The following SEZ6L variants were observed in gnomAD, a reference collection of about 807,000 sequenced individuals.
SEZ6L encodes the protein seizure 6-like protein.
In SEZ6L, 37 loss-of-function variants were observed where a neutral mutation model predicts 106.2. The observed-to-expected ratio is 0.35, with a 90% CI of 0.27 to 0.46. The LOEUF is 0.46. SEZ6L is among the 20% of genes least tolerant of loss of function. The pLI is 1.00. For missense variants in SEZ6L, 1,172 were observed against 1,332.8 expected, an observed-to-expected ratio of 0.88 and a Z score of 1.88; for synonymous variants, 541 against 570.4, an observed-to-expected ratio of 0.95 and a Z score of 0.73.
At chr22:26,366,952 A>T (rs2083835800) in intron 13 of SEZ6L, among the ~76,000 whole-genome samples, 1 of 152,068 alleles carries the variant, frequency 6.6e-6, no homozygotes, top group South Asian at 2.1e-4. Flanking sequence ...CCAGCTGTAG[A>T]ATCATTTTTT....
rs1938684614 is a variant in SEZ6L at position 26,172,395 on chromosome 22, A to G, written c.94+2632A>G. On this transcript the variant is annotated intron_variant, in intron 1 of 16. Coordinates refer to ENST00000248933, the MANE Select transcript of SEZ6L (RefSeq NM_021115.5). ...TATGGCTCAGTTAGGTATTAAGAAAATAATGTTACATTCCTTTCCTTCCCC... is the reference window on the plus strand; with the variant it reads ...TATGGCTCAGTTAGGTATTAAGAAAGTAATGTTACATTCCTTTCCTTCCCC... Among the ~76,000 whole-genome samples the G allele has an allele frequency of 2.6e-5, 4 of 152,238 alleles. No individual in the cohort carries two copies. The South Asian group carries it at 8.3e-4, about 32-fold the overall frequency.
chr22:26,337,047 T>A (rs2082667893), intron 9 of SEZ6L, among the ~76,000 whole-genome samples: 1 of 152,076 alleles, frequency 6.6e-6, no homozygotes, highest in Non-Finnish European at 1.5e-5. Flanking sequence ...CAGGTGCTAA[T>A]GCTGAAGCTG....
intron 1 of SEZ6L, among the ~76,000 whole-genome samples, chr22:26,222,822 A>G (rs1315886378): frequency 2.0e-5 from 3 of 152,188 alleles, no homozygotes; most frequent in Non-Finnish European, 2.9e-5. Flanking sequence ...AATTTTATCC[A>G]TCACAGTGGT....
intron 9 of SEZ6L, among the ~76,000 whole-genome samples, chr22:26,330,929 C>G (rs1449642507): frequency 1.3e-5 from 2 of 152,146 alleles, no homozygotes; most frequent in East Asian, 3.9e-4. Context: ...CTAAAATTGT[C>G]CTGTGAATGA....
At chr22:26,323,551 T>C (rs1171629075) in intron 9 of SEZ6L, among the ~76,000 whole-genome samples, 2 of 152,172 alleles carry the variant, frequency 1.3e-5, no homozygotes, top group Non-Finnish European at 2.9e-5. Flanking sequence ...GAGAATCACC[T>C]GAGCTCAGGT....
intron 11 of SEZ6L, among the ~76,000 whole-genome samples, chr22:26,349,969 A>G (rs1472232100): frequency 6.6e-6 from 1 of 152,144 alleles, no homozygotes; most frequent in African/African-American, 2.4e-5. Flanking sequence ...CCAGCACTAC[A>G]GAGAAAGCAG....
chr22:26,272,823 G>A (rs2080411722), intron 1 of SEZ6L, among the ~76,000 whole-genome samples: 1 of 152,106 alleles, frequency 6.6e-6, no homozygotes. Flanking sequence ...GTAGTTAATG[G>A]GGCTCATATC....
rs772989655 is a variant in SEZ6L, at chr22:26,380,490, T to C, written c.*195T>C. 209 of 458,908 alleles carry C rather than the reference T, an allele frequency of 4.6e-4. No individual in the cohort carries two copies. The highest frequency in any genetic ancestry group is 5.9e-4 in the Non-Finnish European group (153 of 259,072). 28.4% of individuals were successfully genotyped at this position (458,908 alleles called of 1,614,324 possible). On this transcript the variant is annotated 3_prime_UTR_variant, in exon 17 of 17. Coordinates refer to ENST00000248933, the MANE Select transcript of SEZ6L (RefSeq NM_021115.5). ...AGTGAAATAGGTGTGGGTTTGGATGTTTCGCGGCCTCAGCCAAATTCATGT... is the reference window on the plus strand; with the variant it reads ...AGTGAAATAGGTGTGGGTTTGGATGCTTCGCGGCCTCAGCCAAATTCATGT...
intron 1 of SEZ6L, among the ~76,000 whole-genome samples, chr22:26,283,216 G>A (rs913126100): frequency 3.0e-4 from 45 of 152,076 alleles, no homozygotes; most frequent in African/African-American, 1.0e-3. Context: ...CACTGCATCC[G>A]GCTGCAATAC....
At chr22:26,374,199 G>A (rs1213344222) in intron 14 of SEZ6L, among the ~76,000 whole-genome samples, 1 of 150,470 alleles carries the variant, frequency 6.6e-6, no homozygotes, top group Non-Finnish European at 1.5e-5. Context: ...GTATATATAT[G>A]TAAATACAAA....
At chr22:26,294,183 G>T in intron 2 of SEZ6L, 109 bp from the exon 3 acceptor site, 1 of 1,016,378 alleles carries the variant, frequency 9.8e-7, no homozygotes, top group Non-Finnish European at 1.5e-6. Flanking sequence ...AGGACAGATG[G>T]GAACAGCAAA....
Position 26,375,495 on chromosome 22 carries a change from G to C in SEZ6L, c.2828-80G>C, listed in dbSNP as rs949460395. ...AGACCTTGGAAAGCCGTCTCCAAAG[G>C]GGTGGAGAACTGGGCAGTTGGGCAC... On this transcript the variant is annotated intron_variant, in intron 14 of 16. Transcript: ENST00000248933. 8.0e-6 allele frequency: 9 copies of C among 1,118,260 alleles called. No individual in the cohort carries two copies. The East Asian group carries it at 1.9e-4, about 24-fold the overall frequency. 69.3% of individuals were successfully genotyped at this position (1,118,260 alleles called of 1,614,324 possible).
chr22:26,369,681 G>A (rs1470718904), intron 13 of SEZ6L, among the ~76,000 whole-genome samples: 1 of 151,866 alleles, frequency 6.6e-6, no homozygotes, highest in African/African-American at 2.4e-5. Context: ...CTTTTGAAGA[G>A]CAGCGAACAG....
Position 26,169,632 on chromosome 22 carries a change from G to A in SEZ6L, c.-38G>A. 1.2e-6 allele frequency: 1 copy of A among 810,552 alleles called. No homozygotes were observed. The highest frequency in any genetic ancestry group is 2.7e-5 in the South Asian group (1 of 36,826). The allele number at this position is 810,552 out of a possible 1,614,324, so 50.2% of individuals were successfully genotyped here. ...TCCCCAGCTCCCTCGCCGTCCGCCC[G>A]CCCCACAGCCAGCGGCTCCGCGCCC... On this transcript the variant is annotated 5_prime_UTR_variant, in exon 1 of 17. Transcript: ENST00000248933.
intron 6 of SEZ6L, among the ~76,000 whole-genome samples, 173 bp from the exon 7 acceptor site, chr22:26,310,497 T>C (rs528085541): frequency 2.6e-5 from 4 of 152,142 alleles, no homozygotes. Flanking sequence ...GATCGCACCA[T>C]TGAACTCCAG....
intron 9 of SEZ6L, among the ~76,000 whole-genome samples, chr22:26,315,566 T>C (rs2081972740): frequency 6.6e-6 from 1 of 152,176 alleles, no homozygotes; most frequent in African/African-American, 2.4e-5. Flanking sequence ...TAGCTGCCCC[T>C]TGTGGACTTG....
intron 1 of SEZ6L, among the ~76,000 whole-genome samples, chr22:26,284,634 C>G (rs1362963301): frequency 8.0e-6 from 1 of 125,446 alleles, no homozygotes; most frequent in African/African-American, 2.9e-5. Flanking sequence ...AAAAAAAAAC[C>G]CTAATGACGG....
At chr22:26,242,112 G>A (rs1390272854) in intron 1 of SEZ6L, among the ~76,000 whole-genome samples, 1 of 152,242 alleles carries the variant, frequency 6.6e-6, no homozygotes, top group Non-Finnish European at 1.5e-5. Context: ...AGTGAAGCTG[G>A]CATTCAGACT....
intron 1 of SEZ6L, among the ~76,000 whole-genome samples, chr22:26,274,743 G>A (rs368798190): frequency 2.2e-4 from 34 of 152,316 alleles, no homozygotes; most frequent in East Asian, 1.7e-3. Context: ...TTTCCTCTCC[G>A]TGTGGGGCCC....
Sources: allele counts gnomAD v4.1 joint callset (sites outside exome capture counted in the v4.1 genomes callset), GRCh38; gene constraint gnomAD v4.1.1; transcripts MANE v1.5; gene names NCBI Gene and HGNC (gene_info 2026-07-23, HGNC 2026-07-21).